The following TENM3 variants were observed in gnomAD, a reference collection of about 807,000 sequenced individuals.
TENM3 encodes the protein teneurin-3.
In TENM3, 63 loss-of-function variants were observed where a neutral mutation model predicts 255.1. That is an observed-to-expected ratio of 0.25 (90% confidence interval 0.20 to 0.30). The LOEUF (loss-of-function observed/expected upper bound fraction) is 0.30, where lower values mean the gene tolerates loss of function less well. TENM3 is among the 10% of genes least tolerant of loss of function. The pLI is 1.00. For synonymous variants in TENM3, 1,306 were observed against 1,322.3 expected (o/e 0.99, Z 0.27); for missense variants, 2,929 against 3,461.1 (o/e 0.85, Z 3.86).
At chr4:182,409,003 T>C (rs1769780656) in intron 3 of TENM3, among the ~76,000 whole-genome samples, 2 of 152,178 alleles carry the variant, frequency 1.3e-5, no homozygotes, top group Non-Finnish European at 2.9e-5. Flanking sequence ...CAGACAAACA[T>C]GGCAAGCAGA....
the TENM3 span, among the ~76,000 whole-genome samples, chr4:181,536,782 A>G: frequency 6.6e-6 from 1 of 152,234 alleles, no homozygotes; most frequent in Non-Finnish European, 1.5e-5. Context: ...GAATTATTCA[A>G]TAAAGCATAG....
At chr4:181,622,953 C>A in the TENM3 span, among the ~76,000 whole-genome samples, 2 of 152,070 alleles carry the variant, frequency 1.3e-5, no homozygotes, top group Non-Finnish European at 2.9e-5. Context: ...CAATGCCATG[C>A]GTTACCCTTC....
At chr4:182,643,627 C>T (rs1290336379) in intron 5 of TENM3, among the ~76,000 whole-genome samples, 1 of 152,148 alleles carries the variant, frequency 6.6e-6, no homozygotes, top group African/African-American at 2.4e-5. Context: ...CAGACAGGGA[C>T]TCCAGTCTCT....
At chr4:181,599,108 A>C in the TENM3 span, among the ~76,000 whole-genome samples, 23 of 152,330 alleles carry the variant, frequency 1.5e-4, no homozygotes, top group African/African-American at 4.8e-4. Flanking sequence ...GCAGGGGCAA[A>C]AATATCGAGT....
At chr4:181,511,007 A>G in the TENM3 span, among the ~76,000 whole-genome samples, 5 of 152,220 alleles carry the variant, frequency 3.3e-5, no homozygotes, top group African/African-American at 4.8e-5. Flanking sequence ...ATACACATTT[A>G]CTTTGGGGGG....
chr4:182,390,681 C>T (rs894280358), intron 3 of TENM3, among the ~76,000 whole-genome samples: 1 of 152,228 alleles, frequency 6.6e-6, no homozygotes, highest in Non-Finnish European at 1.5e-5. Flanking sequence ...GCGGTTCCTT[C>T]AGCCCGAGGC....
At chr4:182,050,034 C>T in the TENM3 span, among the ~76,000 whole-genome samples, 2 of 151,718 alleles carry the variant, frequency 1.3e-5, no homozygotes, top group Non-Finnish European at 2.9e-5. Flanking sequence ...ACTCTGTCTC[C>T]CAGGTTGGAG....
At chr4:182,394,708 A>G (rs72699960) in intron 3 of TENM3, among the ~76,000 whole-genome samples, 2 of 152,136 alleles carry the variant, frequency 1.3e-5, no homozygotes, top group South Asian at 2.1e-4. Flanking sequence ...ATTTTTAATT[A>G]TGAGTTCTTG....
chr4:182,562,010 A>C (rs1320364823), intron 3 of TENM3, among the ~76,000 whole-genome samples: 1 of 151,908 alleles, frequency 6.6e-6, no homozygotes, highest in Non-Finnish European at 1.5e-5. Context: ...ATAGATAGAT[A>C]GATAGATAGA....
At chr4:181,533,736 T>TA in the TENM3 span, among the ~76,000 whole-genome samples, 3,382 of 143,624 alleles carry the variant, frequency 0.024, 43 homozygotes, top group African/African-American at 0.035. Context: ...GCCTTTAAAT[T>TA]AAAAAAAAAA....
Position 182,800,147 on chromosome 4 carries a change from C to G in TENM3, c.7896C>G (p.Ala2632=), listed in dbSNP as rs566895043. The change falls in exon 28 of 28, where the codon GCC becomes GCG. Residue 2632 remains alanine (A), a synonymous_variant. Coordinates refer to ENST00000511685, the MANE Select transcript of TENM3 (RefSeq NM_001080477.4). Reference sequence around the variant, plus strand: ...CGCGGCAGCGCGCGCTCGCCCGGGCCTGGGCGCGCGAGCAGCAGCGCGTGC... The same window carrying G: ...CGCGGCAGCGCGCGCTCGCCCGGGCGTGGGCGCGCGAGCAGCAGCGCGTGC... ...EQARQRALAR[A]WAREQQRVRD... The G allele has an allele frequency of 2.2e-4, 313 of 1,452,408 alleles. 2 individuals are homozygous for G. In the African/African-American group the frequency reaches 4.2e-3, roughly 20 times the overall value. The allele number at this position is 1,452,408 out of a possible 1,614,324, so 90.0% of individuals were successfully genotyped here.
intron 3 of TENM3, among the ~76,000 whole-genome samples, chr4:182,489,518 A>T (rs1023707182): frequency 6.6e-6 from 1 of 152,176 alleles, no homozygotes; most frequent in African/African-American, 2.4e-5. Context: ...CATAGTGGGC[A>T]TGTGTAAAAT....
chr4:181,807,580 C>T, the TENM3 span, among the ~76,000 whole-genome samples: 1 of 152,112 alleles, frequency 6.6e-6, no homozygotes, highest in Admixed American at 6.6e-5. Flanking sequence ...CTTGAACTCC[C>T]GACCTCAGGT....
intron 1 of TENM3, among the ~76,000 whole-genome samples, chr4:182,148,499 G>C (rs1750111948): frequency 6.6e-6 from 1 of 151,970 alleles, no homozygotes; most frequent in Admixed American, 6.6e-5. Flanking sequence ...ATGCCTCAAG[G>C]CATATTTTCT....
the TENM3 span, among the ~76,000 whole-genome samples, chr4:181,558,016 G>A: frequency 6.6e-6 from 1 of 152,192 alleles, no homozygotes; most frequent in East Asian, 1.9e-4. Flanking sequence ...CTCTTCAAAT[G>A]AGAGGCTGTG....
the TENM3 span, among the ~76,000 whole-genome samples, chr4:182,104,047 C>T: frequency 1.5e-4 from 23 of 152,136 alleles, no homozygotes; most frequent in Non-Finnish European, 3.2e-4. Flanking sequence ...CCTGGGCTTG[C>T]ACCAGCGAAG....
At chr4:181,509,978 A>C in the TENM3 span, among the ~76,000 whole-genome samples, 1 of 152,182 alleles carries the variant, frequency 6.6e-6, no homozygotes, top group African/African-American at 2.4e-5. Context: ...CAAACCCCCT[A>C]ATTAAATGCT....
chr4:181,637,006 C>T, the TENM3 span, among the ~76,000 whole-genome samples: 1 of 152,170 alleles, frequency 6.6e-6, no homozygotes, highest in Non-Finnish European at 1.5e-5. Context: ...CTTACACACA[C>T]TGCACATTCG....
chr4:182,362,507 G>T (rs933542002), intron 3 of TENM3, among the ~76,000 whole-genome samples: 2 of 152,130 alleles, frequency 1.3e-5, no homozygotes, highest in African/African-American at 2.4e-5. Flanking sequence ...AGACTCCATG[G>T]GTGTAGGACC....
Sources: allele counts gnomAD v4.1 joint callset (sites outside exome capture counted in the v4.1 genomes callset), GRCh38; gene constraint gnomAD v4.1.1; transcripts MANE v1.5; gene names NCBI Gene and HGNC (gene_info 2026-07-23, HGNC 2026-07-21).